The following RSRC1 variants were observed in gnomAD, a reference collection of about 807,000 sequenced individuals.
RSRC1 encodes serine/Arginine-related protein 53.
Under a neutral mutation model 49.1 loss-of-function variants are expected in RSRC1, and 39 were observed. The observed-to-expected ratio is 0.79, with a 90% confidence interval of 0.61 to 1.04. The LOEUF (loss-of-function observed/expected upper bound fraction) is 1.04, where lower values mean the gene tolerates loss of function less well. Ranked by LOEUF, RSRC1 falls within the 50% of genes least tolerant of loss-of-function variation. The pLI, the probability that RSRC1 is intolerant of heterozygous loss-of-function variation, is 0.00. For synonymous variants in RSRC1, 143 were observed against 130.8 expected (o/e 1.09, Z -0.63); for missense variants, 388 against 402.4 (o/e 0.96, Z 0.31).
intron 7 of RSRC1, among the ~76,000 whole-genome samples, chr3:158,470,230 T>C (rs1365508720): frequency 2.0e-5 from 3 of 151,988 alleles, no homozygotes; most frequent in Non-Finnish European, 4.4e-5. Context: ...AACTTTGATA[T>C]TACTCTTAGA....
intron 6 of RSRC1, among the ~76,000 whole-genome samples, chr3:158,419,728 A>G (rs557605224): frequency 5.0e-4 from 76 of 151,574 alleles, no homozygotes; most frequent in Middle Eastern, 6.8e-3. Flanking sequence ...ATAACACTTT[A>G]TTGTAGTACC....
At chr3:158,293,315 T>C (rs1208592999) in intron 4 of RSRC1, among the ~76,000 whole-genome samples, 2 of 152,082 alleles carry the variant, frequency 1.3e-5, no homozygotes, top group African/African-American at 4.8e-5. Flanking sequence ...TACATATGTA[T>C]GTATGTATGG....
chr3:158,281,347 A>G (rs1726156500), intron 4 of RSRC1, among the ~76,000 whole-genome samples: 1 of 150,002 alleles, frequency 6.7e-6, no homozygotes, highest in African/African-American at 2.5e-5. Flanking sequence ...TTTTTTAGAT[A>G]TCCAAATAGA....
intron 7 of RSRC1, among the ~76,000 whole-genome samples, chr3:158,474,607 C>T (rs192581722): frequency 3.3e-5 from 5 of 152,262 alleles, no homozygotes; most frequent in Admixed American, 2.0e-4. Context: ...TTTTATTTAT[C>T]GTAGAACTTC....
chr3:158,323,696 G>C (rs1327226049), intron 5 of RSRC1, among the ~76,000 whole-genome samples: 2 of 152,138 alleles, frequency 1.3e-5, no homozygotes, highest in Non-Finnish European at 2.9e-5. Context: ...ACTAGATAAA[G>C]TATTAAATAG....
intron 3 of RSRC1, among the ~76,000 whole-genome samples, chr3:158,162,146 AC>A (rs1449319193): frequency 6.6e-6 from 1 of 152,222 alleles, no homozygotes; most frequent in Non-Finnish European, 1.5e-5. Flanking sequence ...TAAAGAAAAT[AC>A]AACTGATAAA....
intron 7 of RSRC1, among the ~76,000 whole-genome samples, chr3:158,485,928 T>C (rs986224011): frequency 6.6e-6 from 1 of 152,152 alleles, no homozygotes; most frequent in Non-Finnish European, 1.5e-5. Flanking sequence ...AAGATTCATA[T>C]AGTATTTAAA....
At chr3:158,379,192 CTTTTTTTTTT>C (rs768767131) in intron 6 of RSRC1, among the ~76,000 whole-genome samples, 1 of 93,898 alleles carries the variant, frequency 1.1e-5, no homozygotes, top group Non-Finnish European at 2.1e-5. Flanking sequence ...AGAAATACCA[CTTTTTTTTTT>C]TTTTTTTTTT....
At chr3:158,325,249 A>G (rs1012221602) in intron 5 of RSRC1, among the ~76,000 whole-genome samples, 1 of 152,008 alleles carries the variant, frequency 6.6e-6, no homozygotes, top group African/African-American at 2.4e-5. Context: ...CCCATTTGTC[A>G]ATTTTGGCTT....
At chr3:158,120,842 C>T (rs953246090) in intron 1 of RSRC1, among the ~76,000 whole-genome samples, 2 of 150,486 alleles carry the variant, frequency 1.3e-5, no homozygotes, top group African/African-American at 2.4e-5. Flanking sequence ...GTGATTACAA[C>T]GAATGGATCT....
intron 6 of RSRC1, among the ~76,000 whole-genome samples, chr3:158,398,863 A>G (rs1733743387): frequency 6.6e-6 from 1 of 152,102 alleles, no homozygotes; most frequent in African/African-American, 2.4e-5. Flanking sequence ...GAATGTCTTG[A>G]CAGAGAAGGA....
At chr3:158,276,277 A>C in intron 4 of RSRC1, 1 of 765,056 alleles carries the variant, frequency 1.3e-6, no homozygotes, top group Non-Finnish European at 2.4e-6. Flanking sequence ...CCCAGTCTGC[A>C]CAATTTATCA....
chr3:158,437,155 A>G (rs760815055), intron 6 of RSRC1, among the ~76,000 whole-genome samples: 3 of 150,568 alleles, frequency 2.0e-5, no homozygotes, highest in African/African-American at 5.0e-5. Flanking sequence ...TGAAGAATAT[A>G]CTATCCTACC....
At chr3:158,531,785 T>C (rs1172958867) in intron 7 of RSRC1, among the ~76,000 whole-genome samples, 2 of 152,004 alleles carry the variant, frequency 1.3e-5, no homozygotes, top group African/African-American at 2.4e-5. Flanking sequence ...TAAAATGTAC[T>C]GTTTTGAAAG....
At chr3:158,318,028 T>TGTGTGC (rs1559990411) in intron 5 of RSRC1, among the ~76,000 whole-genome samples, 1 of 47,222 alleles carries the variant, frequency 2.1e-5, no homozygotes, top group African/African-American at 8.8e-5. Flanking sequence ...TGTGTGTGCG[T>TGTGTGC]GTGTGTGTGT....
At chr3:158,193,886 AT>A (rs1720384076) in intron 3 of RSRC1, among the ~76,000 whole-genome samples, 3 of 152,142 alleles carry the variant, frequency 2.0e-5, no homozygotes. Context: ...AATTAGGACA[AT>A]AAAATAATTA....
At chr3:158,310,697 G>A (rs1210358) in intron 5 of RSRC1, among the ~76,000 whole-genome samples, 93,856 of 151,404 alleles carry the variant, frequency 0.62, 29,492 homozygotes, top group East Asian at 0.74. Flanking sequence ...ATCAATACTA[G>A]TTGAGGAACA....
At chr3:158,120,565 A>G (rs953601500) in intron 1 of RSRC1, among the ~76,000 whole-genome samples, 4 of 147,256 alleles carry the variant, frequency 2.7e-5, no homozygotes, top group African/African-American at 4.9e-5. Flanking sequence ...TATTAATATT[A>G]ATATATTAAA....
chr3:158,229,020 A>G (rs1722723672), intron 4 of RSRC1, among the ~76,000 whole-genome samples: 1 of 103,252 alleles, frequency 9.7e-6, no homozygotes, highest in Non-Finnish European at 2.1e-5. Context: ...AAACACACAT[A>G]CGTGTATATG....
Sources: gnomAD v4.1 joint callset for allele counts (sites outside exome capture counted in the v4.1 genomes callset) on GRCh38, gnomAD v4.1.1 for gene constraint, MANE v1.5 for transcripts, NCBI Gene and HGNC (gene_info 2026-07-23, HGNC 2026-07-21) for gene names.